Variants in EPHA6 observed in about 807,000 individuals in gnomAD.
EPHA6 encodes ephrin type-A receptor 6.
In EPHA6, 50 loss-of-function variants were observed where a neutral mutation model predicts 112.0. The observed-to-expected ratio is 0.45, with a 90% CI of 0.36 to 0.56. EPHA6 has a LOEUF of 0.56. Ranked by LOEUF, EPHA6 falls within the 20% of genes least tolerant of loss-of-function variation. The pLI is 0.00. For missense variants in EPHA6, 1,280 were observed against 1,417.4 expected (o/e 0.90, Z 1.56); for synonymous variants, 529 against 490.7 (o/e 1.08, Z -1.03).
intron 2 of EPHA6, among the ~76,000 whole-genome samples, chr3:96,908,289 T>G (rs1052952113): frequency 2.6e-5 from 4 of 152,012 alleles, no homozygotes; most frequent in Admixed American, 2.6e-4. Context: ...CATTTAGACT[T>G]ACTTATTTAT....
intron 2 of EPHA6, among the ~76,000 whole-genome samples, chr3:96,871,501 T>TA (rs1187358898): frequency 2.0e-5 from 3 of 152,084 alleles, no homozygotes; most frequent in Non-Finnish European, 4.4e-5. Context: ...TTTTATCATG[T>TA]ATCAAATATT....
At chr3:97,181,063 T>C (rs1040776690) in intron 3 of EPHA6, among the ~76,000 whole-genome samples, 2 of 152,128 alleles carry the variant, frequency 1.3e-5, no homozygotes, top group Non-Finnish European at 2.9e-5. Context: ...GGATCTTCGA[T>C]TTCCCTCTGG....
chr3:97,313,040 T>C (rs1037788032), intron 5 of EPHA6, among the ~76,000 whole-genome samples: 1 of 151,474 alleles, frequency 6.6e-6, no homozygotes, highest in East Asian at 1.9e-4. Flanking sequence ...CTTTGTACCC[T>C]CTGATCAACA....
chr3:97,045,672 T>C (rs1056133952), intron 3 of EPHA6, among the ~76,000 whole-genome samples: 2 of 151,998 alleles, frequency 1.3e-5, no homozygotes, highest in Non-Finnish European at 2.9e-5. Context: ...TTTTATAAAA[T>C]ATAGTGAAAA....
chr3:97,216,013 G>A lies in EPHA6; in HGVS notation c.1115-10251G>A, dbSNP rs147580656. On this transcript the variant is annotated intron_variant, in intron 3 of 17. Transcript: ENST00000389672. ...ACAAGAAGAAAGCAAAAGAGAAAGG[G>A]AAAAGAAACTACATCAGGTGAGAAA... 6.0e-3 allele frequency among the ~76,000 whole-genome samples: 911 copies of A among 152,246 alleles called. 3 individuals are homozygous for A. The highest frequency in any genetic ancestry group is 0.021 in the African/African-American group (854 of 41,552).
intron 11 of EPHA6, among the ~76,000 whole-genome samples, chr3:97,566,839 A>G (rs1440809969): frequency 6.6e-6 from 1 of 152,146 alleles, no homozygotes; most frequent in Non-Finnish European, 1.5e-5. Flanking sequence ...TACCCTATTC[A>G]ATTCCAATGA....
Position 97,510,618 on chromosome 3 carries a change from T to G in EPHA6, c.2201-21740T>G, listed in dbSNP as rs556153021. ...GTGGAGCTCTGTTATATGGGGTGTC[T>G]GTTGACACCTCCTGGGAGGTGTATC... is the stretch of plus-strand genomic sequence containing the variant. On this transcript the variant is annotated intron_variant, in intron 10 of 17. Coordinates refer to ENST00000389672, the MANE Select transcript of EPHA6 (RefSeq NM_001080448.3). Among the ~76,000 whole-genome samples the G allele has an allele frequency of 2.0e-3, 309 of 152,246 alleles. 2 individuals are homozygous for G. The highest frequency in any genetic ancestry group is 6.8e-3 in the Middle Eastern group (2 of 294).
intron 14 of EPHA6, among the ~76,000 whole-genome samples, chr3:97,684,129 G>A (rs996725435): frequency 1.3e-5 from 2 of 152,088 alleles, no homozygotes; most frequent in African/African-American, 4.8e-5. Flanking sequence ...GAAAATATAT[G>A]TTCACTGAGA....
At chr3:97,135,856 C>CCACA (rs113592764) in intron 3 of EPHA6, among the ~76,000 whole-genome samples, 242 of 148,280 alleles carry the variant, frequency 1.6e-3, no homozygotes, top group African/African-American at 5.7e-3. Flanking sequence ...GGATTAAATG[C>CCACA]CACACACACA....
chr3:97,538,977 CTCTCTCTTTCTTTCTTTCTT>C (rs1318832669), intron 11 of EPHA6, among the ~76,000 whole-genome samples: 11 of 138,218 alleles, frequency 8.0e-5, no homozygotes, highest in African/African-American at 3.1e-4. Context: ...TGGACACTTT[CTCTCTCTTTCTTTCTTTCTT>C]TCTTTCTTTC....
chr3:96,940,389 A>C (rs1051060328), intron 2 of EPHA6, among the ~76,000 whole-genome samples: 6 of 152,020 alleles, frequency 3.9e-5, no homozygotes, highest in Non-Finnish European at 7.4e-5. Context: ...TGTTAGTTTA[A>C]AGTCTGTTTT....
intron 3 of EPHA6, among the ~76,000 whole-genome samples, chr3:97,190,067 G>C (rs1419130054): frequency 6.6e-6 from 1 of 152,064 alleles, no homozygotes; most frequent in Non-Finnish European, 1.5e-5. Flanking sequence ...CTTATAGATA[G>C]TGGATACAGT....
At chr3:97,281,614 T>G (rs2080289666) in intron 5 of EPHA6, among the ~76,000 whole-genome samples, 1 of 152,000 alleles carries the variant, frequency 6.6e-6, no homozygotes, top group Non-Finnish European at 1.5e-5. Context: ...ACAATGAAAA[T>G]CACACATGAA....
At chr3:97,608,785 A>G (rs115382107) in intron 12 of EPHA6, among the ~76,000 whole-genome samples, 1,825 of 151,468 alleles carry the variant, frequency 0.012, 37 homozygotes, top group African/African-American at 0.041. Context: ...TAGTTAGGAA[A>G]GATGAGGTGC....
chr3:97,663,201 T>A (rs2094181327), intron 14 of EPHA6, among the ~76,000 whole-genome samples: 1 of 152,186 alleles, frequency 6.6e-6, no homozygotes, highest in South Asian at 2.1e-4. Flanking sequence ...TTCAGCTATA[T>A]TAGAAATATA....
In EPHA6 at chr3:97,579,167, A is replaced by C. The variant is rs138428044; in HGVS notation, c.2387-13445A>C. 2.6e-3 allele frequency among the ~76,000 whole-genome samples: 396 copies of C among 152,276 alleles called. 7 individuals are homozygous for C. The highest frequency in any genetic ancestry group is 4.4e-4 in the Non-Finnish European group (30 of 68,020). ...AGGTTTGTGATTATAATTAAGCAAT[A>C]ATATTGTCACTTGCTTTTTTCTTTC... is the stretch of plus-strand genomic sequence containing the variant. On this transcript the variant is annotated intron_variant, in intron 11 of 17. Coordinates refer to ENST00000389672, the MANE Select transcript of EPHA6 (RefSeq NM_001080448.3).
chr3:97,215,863 A>G (rs867716158), intron 3 of EPHA6, among the ~76,000 whole-genome samples: 21 of 152,206 alleles, frequency 1.4e-4, no homozygotes, highest in African/African-American at 3.9e-4. Flanking sequence ...CTCCAATTAT[A>G]TGATCTGAAA....
intron 6 of EPHA6, among the ~76,000 whole-genome samples, chr3:97,426,827 A>G (rs779332719): frequency 7.9e-5 from 12 of 152,234 alleles, no homozygotes; most frequent in Non-Finnish European, 1.3e-4. Flanking sequence ...AGAATCTATA[A>G]GGAACTTACA....
chr3:96,829,945 GCGCGCA>G (rs1195311468), intron 1 of EPHA6, among the ~76,000 whole-genome samples: 1 of 86,968 alleles, frequency 1.1e-5, no homozygotes, highest in Non-Finnish European at 2.4e-5. Context: ...ATGTGCGCGC[GCGCGCA>G]CACACACACA....
Sources: gnomAD v4.1 joint callset for allele counts (sites outside exome capture counted in the v4.1 genomes callset) on GRCh38, gnomAD v4.1.1 for gene constraint, MANE v1.5 for transcripts, NCBI Gene and HGNC (gene_info 2026-07-23, HGNC 2026-07-21) for gene names.